Variants in DPP10 observed in about 807,000 individuals in gnomAD.
DPP10 encodes the protein dipeptidyl peptidase like 10.
DPP10 carries 33 observed loss-of-function variants against 120.9 expected under a neutral mutation model. The observed-to-expected ratio is 0.27, with a 90% confidence interval of 0.21 to 0.37. The LOEUF is 0.37. DPP10 is among the 10% of genes least tolerant of loss of function. The probability of loss-of-function intolerance (pLI) is 1.00; values close to 1 mark genes in which losing one functional copy is unlikely to be tolerated. For missense variants in DPP10, 816 were observed against 942.8 expected (o/e 0.87, Z 1.76); for synonymous variants, 337 against 326.1 (o/e 1.03, Z -0.36).
chr2:115,006,023 C>T (rs1701816825), intron 1 of DPP10, among the ~76,000 whole-genome samples: 1 of 152,218 alleles, frequency 6.6e-6, no homozygotes, highest in Non-Finnish European at 1.5e-5. Context: ...GATCTCTTGG[C>T]AGAAACCCTA....
At chr2:114,929,522 C>CA (rs1294032678) in intron 1 of DPP10, among the ~76,000 whole-genome samples, 1 of 152,160 alleles carries the variant, frequency 6.6e-6, no homozygotes, top group African/African-American at 2.4e-5. Flanking sequence ...GAAAAGAATT[C>CA]AGAGATATTT....
chr2:115,207,898 G>A (rs759132479), intron 1 of DPP10, among the ~76,000 whole-genome samples: 28 of 152,144 alleles, frequency 1.8e-4, no homozygotes, highest in East Asian at 5.8e-4. Context: ...AGGGAAACGA[G>A]TAAGCATACT....
At chr2:114,951,751 GT>G (rs1288019367) in intron 1 of DPP10, among the ~76,000 whole-genome samples, 1 of 151,930 alleles carries the variant, frequency 6.6e-6, no homozygotes, top group African/African-American at 2.4e-5. Context: ...TGTTTTAAAT[GT>G]TTTAGCACTC....
chr2:114,813,864 G>A (rs74583960), intron 1 of DPP10, among the ~76,000 whole-genome samples: 3,153 of 150,962 alleles, frequency 0.021, 122 homozygotes, highest in African/African-American at 0.073. Context: ...TATTTCCCTA[G>A]TAACAATAGC....
chr2:114,770,319 A>G (rs1272662152), intron 1 of DPP10, among the ~76,000 whole-genome samples: 2 of 152,162 alleles, frequency 1.3e-5, no homozygotes, highest in African/African-American at 4.8e-5. Flanking sequence ...GAGGATTTAT[A>G]TGATTGAAGA....
At chr2:114,698,864 C>G (rs1700221071) in intron 1 of DPP10, among the ~76,000 whole-genome samples, 1 of 152,112 alleles carries the variant, frequency 6.6e-6, no homozygotes, top group Non-Finnish European at 1.5e-5. Flanking sequence ...TGAATACTGT[C>G]TGTATAGTCA....
At chr2:115,228,964 T>A (rs1201824532) in intron 1 of DPP10, among the ~76,000 whole-genome samples, 2 of 152,148 alleles carry the variant, frequency 1.3e-5, no homozygotes, top group African/African-American at 4.8e-5. Context: ...CTGTTTGCCA[T>A]AGTGCTTGTA....
At chr2:115,752,647 G>A (rs545727143) in intron 10 of DPP10, among the ~76,000 whole-genome samples, 4 of 152,218 alleles carry the variant, frequency 2.6e-5, no homozygotes, top group South Asian at 2.1e-4. Flanking sequence ...AAGTCCCCAC[G>A]TATGAAGTGA....
intron 1 of DPP10, among the ~76,000 whole-genome samples, chr2:115,200,422 C>T (rs2055616184): frequency 6.6e-6 from 1 of 151,982 alleles, no homozygotes; most frequent in African/African-American, 2.4e-5. Flanking sequence ...AAGTAGCTAG[C>T]ATTTAATTTT....
intron 5 of DPP10, among the ~76,000 whole-genome samples, chr2:115,570,198 T>C (rs916217217): frequency 3.9e-5 from 6 of 152,194 alleles, no homozygotes; most frequent in African/African-American, 1.4e-4. Flanking sequence ...ACAAGTGACA[T>C]TCATCATGGC....
intron 1 of DPP10, among the ~76,000 whole-genome samples, chr2:114,713,740 C>G (rs985322915): frequency 6.6e-5 from 10 of 152,148 alleles, no homozygotes; most frequent in African/African-American, 2.4e-4. Flanking sequence ...CCTGTAATCC[C>G]AACCCTTAGG....
At chr2:114,701,152 C>A (rs1445215146) in intron 1 of DPP10, among the ~76,000 whole-genome samples, 2 of 152,066 alleles carry the variant, frequency 1.3e-5, no homozygotes, top group African/African-American at 4.8e-5. Context: ...ATTCACACAT[C>A]ATGGCCCTGA....
intron 1 of DPP10, among the ~76,000 whole-genome samples, chr2:115,301,650 G>A (rs1014266501): frequency 6.6e-6 from 1 of 152,024 alleles, no homozygotes; most frequent in Middle Eastern, 3.4e-3. Context: ...TTAGTGAGTC[G>A]CTAGTAGTTT....
chr2:114,543,880 T>TTGG (rs59925890), intron 1 of DPP10, among the ~76,000 whole-genome samples: 81,225 of 151,158 alleles, frequency 0.54, 22,047 homozygotes, highest in East Asian at 0.66. Context: ...TTTTTTGTTG[T>TTGG]TGGTGGTGGT....
At chr2:115,367,748 G>A (rs979753736) in intron 3 of DPP10, among the ~76,000 whole-genome samples, 1 of 151,852 alleles carries the variant, frequency 6.6e-6, no homozygotes, top group South Asian at 2.1e-4. Context: ...TTTTTGTTAT[G>A]TGTATGACTG....
At chr2:115,682,931 A>T (rs2090753787) in intron 5 of DPP10, among the ~76,000 whole-genome samples, 1 of 151,902 alleles carries the variant, frequency 6.6e-6, no homozygotes, top group African/African-American at 2.4e-5. Flanking sequence ...GATGCCTACT[A>T]GACCCAAATA....
chr2:115,504,394 T>C (rs999496351), intron 4 of DPP10, among the ~76,000 whole-genome samples: 1 of 151,936 alleles, frequency 6.6e-6, no homozygotes, highest in Non-Finnish European at 1.5e-5. Flanking sequence ...ATTGTGCTTA[T>C]GAATAATTGA....
intron 1 of DPP10, among the ~76,000 whole-genome samples, chr2:114,975,148 C>A (rs1024911205): frequency 6.6e-6 from 1 of 151,616 alleles, no homozygotes; most frequent in Non-Finnish European, 1.5e-5. Context: ...TGGGTTCAAG[C>A]GATTCTCCTG....
chr2:114,443,939 G>A (rs17048353), intron 1 of DPP10, among the ~76,000 whole-genome samples: 1,640 of 152,076 alleles, frequency 0.011, 31 homozygotes, highest in African/African-American at 0.037. Context: ...TTTACCTACC[G>A]TTTGCCAGAG....
Sources: gnomAD v4.1 joint callset for allele counts (sites outside exome capture counted in the v4.1 genomes callset) on GRCh38, gnomAD v4.1.1 for gene constraint, MANE v1.5 for transcripts, NCBI Gene and HGNC (gene_info 2026-07-23, HGNC 2026-07-21) for gene names.